ABCA12: variants seen among roughly 807,000 people sequenced by gnomAD.
ABCA12 encodes the protein glucosylceramide transporter ABCA12.
A neutral mutation model predicts 293.5 loss-of-function variants in ABCA12; 156 were observed. The ratio of observed to expected loss-of-function variants is 0.53; its 90% CI spans 0.47 to 0.61. ABCA12 has a LOEUF of 0.61. Among genes scored for constraint, ABCA12 ranks in the 20% least tolerant of loss-of-function variants. The pLI is 0.00. For missense variants in ABCA12, 2,797 were observed against 3,090.2 expected (o/e 0.91, Z 2.25); for synonymous variants, 1,063 against 1,108.0 (o/e 0.96, Z 0.81).
At chr2:215,133,821 G>C (rs1455989672) in intron 1 of ABCA12, among the ~76,000 whole-genome samples, 1 of 152,014 alleles carries the variant, frequency 6.6e-6, no homozygotes, top group Non-Finnish European at 1.5e-5. Flanking sequence ...TCTGTTCTTT[G>C]GTGGGCTAAG....
In ABCA12 at chr2:214,975,874, A is replaced by C. The variant is rs1699503855; in HGVS notation, c.5292T>G (p.Leu1764=). The change falls in exon 34 of 53, where the codon CTT becomes CTG. Residue 1764 remains leucine (L), a synonymous_variant. Coordinates refer to ENST00000272895, the MANE Select transcript of ABCA12 (RefSeq NM_173076.3). The part of the protein sequence containing the change: ...PIVFVTTAMG[L]GTLRNSSNSY... ...TGTTGCTGGAATTTCTCAGTGTGCCAAGGCCCATGGCAGTGGTAACAAAGA... is the reference window on the plus strand; with the variant it reads ...TGTTGCTGGAATTTCTCAGTGTGCCCAGGCCCATGGCAGTGGTAACAAAGA... The C allele has an allele frequency of 2.5e-6, 4 of 1,614,158 alleles. No individual in the cohort carries two copies. The highest frequency in any genetic ancestry group is 3.4e-6 in the Non-Finnish European group (4 of 1,180,006).
chr2:215,133,675 T>C lies in ABCA12; in HGVS notation c.69+4465A>G, dbSNP rs981391313. Among the ~76,000 whole-genome samples the C allele has an allele frequency of 7.2e-5, 11 of 152,286 alleles. No individual in the cohort carries two copies. In the East Asian group the frequency reaches 7.7e-4, roughly 11 times the overall value. On this transcript the variant is annotated intron_variant, in intron 1 of 52. Coordinates refer to ENST00000272895, the MANE Select transcript of ABCA12 (RefSeq NM_173076.3). Reference sequence around the variant, plus strand: ...CACCTGGTTGGCTTTCTCTATTACCTAACATTTCTATTAGTACTTAATGTA... The same window carrying C: ...CACCTGGTTGGCTTTCTCTATTACCCAACATTTCTATTAGTACTTAATGTA...
chr2:215,030,886 G>C (rs1700863321), intron 9 of ABCA12, among the ~76,000 whole-genome samples: 1 of 152,090 alleles, frequency 6.6e-6, no homozygotes, highest in Non-Finnish European at 1.5e-5. Context: ...AATCCTGTTT[G>C]TTTTTTTATT....
At chr2:215,102,772 A>G (rs753427342) in intron 2 of ABCA12, among the ~76,000 whole-genome samples, 1 of 152,160 alleles carries the variant, frequency 6.6e-6, no homozygotes, top group Non-Finnish European at 1.5e-5. Context: ...AAGAAATGCA[A>G]TGACACTGGT....
chr2:215,033,358 A>C (rs780565513), intron 8 of ABCA12, among the ~76,000 whole-genome samples: 2 of 152,214 alleles, frequency 1.3e-5, no homozygotes, highest in Non-Finnish European at 2.9e-5. Flanking sequence ...TTGAACTCCT[A>C]TGTGATGCTC....
intron 9 of ABCA12, among the ~76,000 whole-genome samples, chr2:215,028,415 A>AT (rs1184751342): frequency 6.6e-6 from 1 of 152,164 alleles, no homozygotes; most frequent in African/African-American, 2.4e-5. Flanking sequence ...TAGTCTTTAT[A>AT]TTTTTTTAAA....
At chr2:215,056,725 GAATT>G (rs1701427745) in intron 3 of ABCA12, among the ~76,000 whole-genome samples, 1 of 152,006 alleles carries the variant, frequency 6.6e-6, no homozygotes, top group Non-Finnish European at 1.5e-5. Context: ...ATAAAAAGAT[GAATT>G]AATGCTGTAA....
intron 2 of ABCA12, among the ~76,000 whole-genome samples, chr2:215,092,268 C>A (rs1702163442): frequency 6.6e-6 from 1 of 152,138 alleles, no homozygotes; most frequent in South Asian, 2.1e-4. Flanking sequence ...CCTTAAAACT[C>A]CCCACCTCTG....
At chr2:215,095,450 TC>T (rs913032125) in intron 2 of ABCA12, among the ~76,000 whole-genome samples, 9 of 152,232 alleles carry the variant, frequency 5.9e-5, no homozygotes, top group African/African-American at 2.2e-4. Flanking sequence ...CGACAAATGC[TC>T]CTTCTAACAA....
chr2:215,058,785 T>C (rs547996513), intron 3 of ABCA12, among the ~76,000 whole-genome samples: 20 of 152,166 alleles, frequency 1.3e-4, no homozygotes, highest in African/African-American at 4.6e-4. Context: ...GGCTCTATTT[T>C]GGAGTGGAAT....
intron 39 of ABCA12, among the ~76,000 whole-genome samples, chr2:214,964,120 T>A (rs1699193076): frequency 6.6e-6 from 1 of 151,984 alleles, no homozygotes; most frequent in African/African-American, 2.4e-5. Context: ...TAAACAGAAC[T>A]AAAGACAAAA....
chr2:214,955,605 G>A (rs1204518732), intron 42 of ABCA12, among the ~76,000 whole-genome samples: 1 of 152,106 alleles, frequency 6.6e-6, no homozygotes, highest in Non-Finnish European at 1.5e-5. Context: ...ATCAAGCTGT[G>A]GTGAGCTGTG....
At chr2:215,100,555 T>C (rs1702337104) in intron 2 of ABCA12, among the ~76,000 whole-genome samples, 1 of 65,066 alleles carries the variant, frequency 1.5e-5, no homozygotes, top group Admixed American at 2.1e-4. Flanking sequence ...TGAGTTCCCA[T>C]TATGTGCAAA....
chr2:215,086,480 C>T (rs760474643), intron 2 of ABCA12, among the ~76,000 whole-genome samples: 1 of 152,058 alleles, frequency 6.6e-6, no homozygotes, highest in African/African-American at 2.4e-5. Context: ...AGGTTTTATC[C>T]GTGAAATGAA....
At chr2:215,134,528 G>GCA (rs1559214140) in intron 1 of ABCA12, among the ~76,000 whole-genome samples, 8 of 130,330 alleles carry the variant, frequency 6.1e-5, no homozygotes, top group African/African-American at 2.0e-4. Context: ...GTATATATAC[G>GCA]TATATATGTA....
chr2:215,103,826 G>A (rs1702408059), intron 2 of ABCA12, among the ~76,000 whole-genome samples: 1 of 151,836 alleles, frequency 6.6e-6, no homozygotes, highest in African/African-American at 2.4e-5. Context: ...TCAGATCCAG[G>A]TAAATCTGAC....
intron 50 of ABCA12, among the ~76,000 whole-genome samples, chr2:214,942,084 A>G (rs1371420494): frequency 1.3e-5 from 2 of 152,062 alleles, no homozygotes; most frequent in African/African-American, 2.4e-5. Flanking sequence ...TTGTAAAGTT[A>G]AATGCATTCT....
intron 8 of ABCA12, among the ~76,000 whole-genome samples, chr2:215,034,186 C>A (rs898740278): frequency 2.0e-5 from 3 of 152,082 alleles, no homozygotes; most frequent in Non-Finnish European, 4.4e-5. Context: ...AATGGACCTA[C>A]TATGGAGTGT....
At chr2:214,962,674 A>G (rs1236760888) in intron 39 of ABCA12, 1 of 152,164 alleles carries the variant, frequency 6.6e-6, no homozygotes, top group African/African-American at 2.4e-5. Context: ...CGGAAGTAAA[A>G]CACTCCTCAG....
Sources: gnomAD v4.1 joint callset for allele counts (sites outside exome capture counted in the v4.1 genomes callset) on GRCh38, gnomAD v4.1.1 for gene constraint, MANE v1.5 for transcripts, NCBI Gene and HGNC (gene_info 2026-07-23, HGNC 2026-07-21) for gene names.